PIN4: variants seen among roughly 807,000 people sequenced by gnomAD.
PIN4 encodes peptidyl-prolyl cis-trans isomerase NIMA-interacting 4.
Under a neutral mutation model 8.3 loss-of-function variants are expected in PIN4, and 3 were observed. The observed-to-expected ratio is 0.36, with a 90% confidence interval of 0.16 to 0.93. The LOEUF is 0.93. Among genes scored for constraint, PIN4 ranks in the 40% least tolerant of loss-of-function variants. The pLI is 0.44. For synonymous variants in PIN4, 18 were observed against 32.5 expected (o/e 0.55, Z 1.52); for missense variants, 75 against 100.6 (o/e 0.75, Z 1.09).
chrX:72,205,004 G>A (rs1482865674), intron 3 of PIN4: 1 of 1,156,763 alleles, frequency 8.6e-7, no homozygotes, highest in Non-Finnish European at 1.2e-6. Context: ...ACAATAAACA[G>A]GTTACATTCT....
Position 72,206,961 on chromosome X carries a change from G to T in PIN4, c.312+10057G>T, listed in dbSNP as rs765208217. On this transcript the variant is annotated intron_variant, in intron 3 of 3. Coordinates refer to the PIN4 transcript ENST00000423432. ...CACCAGTAGTTTGTCTTATTAATGA[G>T]TCCTTGAAAACCTGTCTTCTGTATA... The T allele has an allele frequency of 3.6e-5, 44 of 1,208,832 alleles. No homozygotes were observed. In the South Asian group the frequency reaches 7.8e-4, roughly 21 times the overall value.
intron 3 of PIN4, among the ~76,000 whole-genome samples, chrX:72,218,039 G>A (rs764653030): frequency 3.3e-4 from 37 of 111,247 alleles, no homozygotes; most frequent in South Asian, 3.8e-4. Context: ...GGAAGGCCAA[G>A]GCAGGCGGAT....
chrX:72,256,511 T>C (rs148439496), intron 3 of PIN4, among the ~76,000 whole-genome samples: 8,900 of 111,037 alleles, frequency 0.08, 542 homozygotes, highest in East Asian at 0.47. Flanking sequence ...GGATGAAGCC[T>C]GAGGGCACCC....
intron 3 of PIN4, among the ~76,000 whole-genome samples, chrX:72,241,034 G>A (rs1195386851): frequency 2.7e-5 from 3 of 111,029 alleles, no homozygotes; most frequent in Non-Finnish European, 5.7e-5. Flanking sequence ...AATCTGTGCC[G>A]TTTCGCTGTG....
intron 3 of PIN4, among the ~76,000 whole-genome samples, chrX:72,213,414 G>A (rs950562774): frequency 4.5e-5 from 5 of 111,644 alleles, no homozygotes; most frequent in Admixed American, 9.5e-5. Flanking sequence ...CATTCGAGCC[G>A]GGAGGGGCAA....
At chrX:72,220,678 C>T (rs192014404) in intron 3 of PIN4, among the ~76,000 whole-genome samples, 1 of 110,098 alleles carries the variant, frequency 9.1e-6, no homozygotes, top group African/African-American at 3.3e-5. Flanking sequence ...AGATTCCAAC[C>T]CCGCCATAAA....
At chrX:72,208,412 T>C in intron 3 of PIN4, 1 of 1,211,922 alleles carries the variant, frequency 8.3e-7, no homozygotes, top group Non-Finnish European at 1.1e-6. Context: ...TCAGCCAATA[T>C]ACCACCTTTT....
intron 3 of PIN4, among the ~76,000 whole-genome samples, chrX:72,250,842 C>T (rs1175647991): frequency 9.7e-6 from 1 of 103,431 alleles, no homozygotes; most frequent in Non-Finnish European, 2.0e-5. Context: ...AGGGTTCAAG[C>T]AATTCTCCTG....
intron 3 of PIN4, chrX:72,206,635 T>G (rs1474602140): frequency 8.3e-7 from 1 of 1,211,486 alleles, no homozygotes. Flanking sequence ...ATTTTGAGAC[T>G]CGAATTCAAC....
chrX:72,188,171 C>T (rs2042712942), intron 2 of PIN4, among the ~76,000 whole-genome samples: 1 of 112,036 alleles, frequency 8.9e-6, no homozygotes, highest in Non-Finnish European at 1.9e-5. Flanking sequence ...CTTCATGTTA[C>T]AAACGGAGTA....
chrX:72,240,017 A>G (rs1340101935), intron 3 of PIN4, among the ~76,000 whole-genome samples: 1 of 106,875 alleles, frequency 9.4e-6, no homozygotes, highest in Non-Finnish European at 1.9e-5. Flanking sequence ...CAAACCCTGG[A>G]GGTGGAGGCT....
At chrX:72,190,948 A>G (rs1463945162) in intron 2 of PIN4, among the ~76,000 whole-genome samples, 7 of 100,133 alleles carry the variant, frequency 7.0e-5, no homozygotes, top group Non-Finnish European at 1.2e-4. Context: ...GCGAGACTCC[A>G]TCTCAAAAAA....
intron 3 of PIN4, among the ~76,000 whole-genome samples, chrX:72,210,463 A>G (rs900114980): frequency 1.8e-5 from 2 of 111,363 alleles, no homozygotes; most frequent in Non-Finnish European, 3.8e-5. Flanking sequence ...GTCTTGATCT[A>G]TGTTCTAGAG....
intron 3 of PIN4, among the ~76,000 whole-genome samples, chrX:72,251,522 G>C (rs1319472933): frequency 9.0e-6 from 1 of 111,188 alleles, no homozygotes; most frequent in Non-Finnish European, 1.9e-5. Flanking sequence ...ATATATGAAA[G>C]TGTGTGTTTT....
intron 3 of PIN4, among the ~76,000 whole-genome samples, chrX:72,213,911 C>T (rs891878488): frequency 3.6e-5 from 4 of 112,047 alleles, no homozygotes; most frequent in Non-Finnish European, 7.5e-5. Flanking sequence ...AGAACAAAGA[C>T]CTGTCCGTTA....
At chrX:72,220,050 G>A (rs1426711623) in intron 3 of PIN4, among the ~76,000 whole-genome samples, 1 of 110,718 alleles carries the variant, frequency 9.0e-6, no homozygotes, top group Non-Finnish European at 1.9e-5. Flanking sequence ...TTCCTAGTTT[G>A]TTGAGTGTTT....
chrX:72,246,270 G>A (rs1051939393), intron 3 of PIN4, among the ~76,000 whole-genome samples: 1 of 111,379 alleles, frequency 9.0e-6, no homozygotes, highest in Non-Finnish European at 1.9e-5. Context: ...AGTCGTGTTG[G>A]CTCTACCTCT....
chrX:72,250,495 G>A (rs1020930505), intron 3 of PIN4, among the ~76,000 whole-genome samples: 1 of 110,075 alleles, frequency 9.1e-6, no homozygotes, highest in Non-Finnish European at 1.9e-5. Context: ...CATTGTAAAG[G>A]TGTACTTTAT....
downstream of PIN4, among the ~76,000 whole-genome samples, chrX:72,201,697 A>G (rs755989512): frequency 1.3e-4 from 15 of 112,791 alleles, no homozygotes; most frequent in Non-Finnish European, 2.4e-4. Flanking sequence ...GCAGTAATGA[A>G]TATCAATGGC....
Sources: allele counts gnomAD v4.1 joint callset (sites outside exome capture counted in the v4.1 genomes callset), GRCh38; gene constraint gnomAD v4.1.1; transcripts MANE v1.5; gene names NCBI Gene and HGNC (gene_info 2026-07-23, HGNC 2026-07-21).